Variants in TRABD2A observed in about 807,000 individuals in gnomAD.
TRABD2A encodes the protein TraB domain containing 2A, also known as metalloprotease TIKI1.
A neutral mutation model predicts 45.6 loss-of-function variants in TRABD2A; 43 were observed. The ratio of observed to expected loss-of-function variants is 0.94; its 90% CI spans 0.74 to 1.22. The LOEUF is 1.22. Ranked by LOEUF, TRABD2A falls within the 50% of genes most tolerant of loss-of-function variation. The pLI is 0.00. For synonymous variants in TRABD2A, 269 were observed against 265.0 expected, an observed-to-expected ratio of 1.02 and a Z score of -0.15; for missense variants, 642 against 652.4, an observed-to-expected ratio of 0.98 and a Z score of 0.17.
chr2:84,829,776 C>T (rs1045870903), intron 5 of TRABD2A, among the ~76,000 whole-genome samples: 2 of 150,032 alleles, frequency 1.3e-5, no homozygotes, highest in African/African-American at 2.5e-5. Context: ...ATCCACACTA[C>T]ACCACACACA....
intron 2 of TRABD2A, among the ~76,000 whole-genome samples, chr2:84,857,057 G>C (rs554947257): frequency 6.6e-6 from 1 of 151,968 alleles, no homozygotes. Flanking sequence ...AGAAGACACC[G>C]TCTGCAAGCC....
intron 2 of TRABD2A, among the ~76,000 whole-genome samples, chr2:84,868,509 CTAAT>C (rs142043459): frequency 0.14 from 20,802 of 148,438 alleles, 1,808 homozygotes; most frequent in African/African-American, 0.28. Context: ...AACTAATTAA[CTAAT>C]TAGTTAATTA....
At chr2:84,869,133 T>C (rs115057018) in intron 2 of TRABD2A, among the ~76,000 whole-genome samples, 2,443 of 152,324 alleles carry the variant, frequency 0.016, 59 homozygotes, top group African/African-American at 0.056. Context: ...TTTTAGATTG[T>C]TACATGTCCT....
At chr2:84,846,675 C>G (rs1681908960) in intron 2 of TRABD2A, among the ~76,000 whole-genome samples, 1 of 152,238 alleles carries the variant, frequency 6.6e-6, no homozygotes, top group Non-Finnish European at 1.5e-5. Flanking sequence ...GCAGCCCACC[C>G]CAAATCCCTC....
At chr2:84,843,093 C>T (rs749165784) in intron 2 of TRABD2A, among the ~76,000 whole-genome samples, 2 of 151,612 alleles carry the variant, frequency 1.3e-5, no homozygotes, top group Non-Finnish European at 1.5e-5. Context: ...CCACCCCCTA[C>T]GAGGCTCCAG....
intron 5 of TRABD2A, among the ~76,000 whole-genome samples, chr2:84,825,582 C>T (rs890688180): frequency 4.6e-5 from 7 of 152,176 alleles, no homozygotes; most frequent in Admixed American, 4.6e-4. Context: ...TGTGAAGCCA[C>T]TTAAATGAAC....
intron 2 of TRABD2A, among the ~76,000 whole-genome samples, chr2:84,868,337 C>CA (rs1341716583): frequency 1.4e-5 from 2 of 147,678 alleles, no homozygotes; most frequent in East Asian, 4.0e-4. Flanking sequence ...ATCGCAAGGA[C>CA]AAAAAACCAA....
At chr2:84,864,559 C>T (rs1682611162) in intron 2 of TRABD2A, among the ~76,000 whole-genome samples, 1 of 152,116 alleles carries the variant, frequency 6.6e-6, no homozygotes, top group Non-Finnish European at 1.5e-5. Context: ...CTAGGCCTGT[C>T]CTGCACTAAC....
intron 5 of TRABD2A, among the ~76,000 whole-genome samples, chr2:84,827,379 A>G (rs1015400813): frequency 1.3e-5 from 2 of 152,192 alleles, no homozygotes; most frequent in Admixed American, 6.5e-5. Flanking sequence ...CCCCTTGCAT[A>G]AAATTAACCT....
chr2:84,841,885 G>T lies in TRABD2A; in HGVS notation c.792C>A (p.Val264=). The change falls in exon 3 of 7, where the codon GTC becomes GTA. Residue 264 remains valine, a synonymous_variant. Coordinates refer to ENST00000409520, the MANE Select transcript of TRABD2A (RefSeq NM_001277053.2). ...KHYNCGDLSS[V]ILSHDSSQVP... is the part of the protein sequence containing the mutation. ...CCTGGGAGCTGTCATGGCTGAGGAT[G>T]ACGGAGCTGAGGTCCCCGCAGTTAT... is the stretch of plus-strand genomic sequence containing the variant. The T allele has an allele frequency of 6.5e-7, 1 of 1,543,386 alleles. No homozygotes were observed. Among genetic ancestry groups the T allele is most frequent in the South Asian group, 1.2e-5 (1 of 82,920 alleles).
At chr2:84,825,741 G>A (rs1396165943) in intron 5 of TRABD2A, among the ~76,000 whole-genome samples, 1 of 152,096 alleles carries the variant, frequency 6.6e-6, no homozygotes, top group Non-Finnish European at 1.5e-5. Flanking sequence ...TAGGAACTGG[G>A]CCACACAGCA....
chr2:84,859,971 G>T (rs1213727464), intron 2 of TRABD2A, among the ~76,000 whole-genome samples: 1 of 151,764 alleles, frequency 6.6e-6, no homozygotes, highest in Non-Finnish European at 1.5e-5. Flanking sequence ...TCACTATGTT[G>T]TCCAGGCTGG....
At chr2:84,863,784 T>C (rs138553092) in intron 2 of TRABD2A, among the ~76,000 whole-genome samples, 2,230 of 151,998 alleles carry the variant, frequency 0.015, 54 homozygotes, top group African/African-American at 0.051. Context: ...GCTAATTTTT[T>C]GTATTTTTAG....
rs1223096244 is a variant in TRABD2A at position 84,880,973 on chromosome 2, G to A, written c.67C>T (p.Arg23Cys). ...CAGTTGGCGGTGCCGGGCGCCCCGC[G>A]CCGCGAAGCTGCGCCCGTGGGCAGG... ...CLLPTGAASRRGAPGTANCEL... is the reference protein window; with the variant it reads ...CLLPTGAASRCGAPGTANCEL... The change falls in exon 1 of 7, where the codon CGC becomes TGC. Residue 23 changes from arginine (R) to cysteine (C), a missense_variant. By Grantham distance (180) the Arg-to-Cys change is radical (BLOSUM62 -3). Coordinates refer to ENST00000409520, the MANE Select transcript of TRABD2A (RefSeq NM_001277053.2). The A allele has an allele frequency of 1.9e-6, 3 of 1,602,564 alleles. No homozygotes were observed. Among genetic ancestry groups the A allele is most frequent in the East Asian group, 2.2e-5 (1 of 44,450 alleles).
rs139335359 is a variant in TRABD2A at position 84,823,901 on chromosome 2, C to T, written c.1334+52G>A. 1.5e-4 allele frequency: 242 copies of T among 1,596,504 alleles called. No individual in the cohort carries two copies. The African/African-American group carries it at 2.8e-3, about 19-fold the overall frequency. ...CCAGTGTGAGGGGCATTCCTGGGTC[C>T]GCTCACTAGGGTAAAGGTGGATGCC... On this transcript the variant is annotated intron_variant, in intron 6 of 6. Transcript: ENST00000409520.
chr2:84,836,985 G>GT (rs1681532884), intron 4 of TRABD2A: 2 of 137,526 alleles, frequency 1.5e-5, no homozygotes, highest in African/African-American at 5.8e-5. Flanking sequence ...TTAATTTTAG[G>GT]GTTTTTTTTT....
At position 84,870,510 on chromosome 2, in the gene TRABD2A, C is replaced by G; in HGVS notation, c.384G>C (p.Glu128Asp). Reference sequence around the variant, plus strand: ...ACAAGGGCATCATGAGCTTGACATACTCCAGGTGGCGCTTGAGGCGGCAGT... The same window carrying G: ...ACAAGGGCATCATGAGCTTGACATAGTCCAGGTGGCGCTTGAGGCGGCAGT... ...DIYCRLKRHL[E>D]YVKLMMPLWM... Residue 128 changes from glutamate to aspartate, a missense_variant, in exon 2 of 7, where the codon GAG becomes GAC. Glu to Asp is a conservative substitution (Grantham distance 45). Transcript: ENST00000409520. 1 of 1,614,040 alleles carries G rather than the reference C, an allele frequency of 6.2e-7. No homozygotes were observed.
intron 2 of TRABD2A, among the ~76,000 whole-genome samples, chr2:84,866,558 C>G (rs1303814075): frequency 1.3e-5 from 2 of 152,072 alleles, no homozygotes; most frequent in Non-Finnish European, 2.9e-5. Flanking sequence ...TCAATGATAC[C>G]ACTCATCTTG....
intron 5 of TRABD2A, among the ~76,000 whole-genome samples, chr2:84,827,161 ACTT>A (rs1319310068): frequency 1.3e-5 from 2 of 152,164 alleles, no homozygotes; most frequent in Non-Finnish European, 2.9e-5. Flanking sequence ...GTTTAGCTAA[ACTT>A]CTACCCACAA....
Sources: allele counts gnomAD v4.1 joint callset (sites outside exome capture counted in the v4.1 genomes callset), GRCh38; gene constraint gnomAD v4.1.1; transcripts MANE v1.5; gene names NCBI Gene and HGNC (gene_info 2026-07-23, HGNC 2026-07-21).